Variants in CSMD1 observed in about 807,000 individuals in gnomAD.
CSMD1 encodes CUB and Sushi multiple domains 1, also known as CUB and sushi domain-containing protein 1.
In CSMD1, 213 loss-of-function variants were observed where a neutral mutation model predicts 417.5. The observed-to-expected ratio is 0.51, with a 90% CI of 0.46 to 0.57. CSMD1 has a LOEUF of 0.57. Ranked by LOEUF, CSMD1 falls within the 20% of genes least tolerant of loss-of-function variation. The probability of loss-of-function intolerance (pLI) is 0.00; values close to 1 mark genes in which losing one functional copy is unlikely to be tolerated. For missense variants in CSMD1, 6,923 were observed against 4,529.7 expected, an observed-to-expected ratio of 1.53 and a Z score of -15.17; for synonymous variants, 2,862 against 1,736.8, an observed-to-expected ratio of 1.65 and a Z score of -16.11.
intron 1 of CSMD1, among the ~76,000 whole-genome samples, chr8:4,648,594 T>G (rs1803684303): frequency 6.6e-6 from 1 of 152,266 alleles, no homozygotes; most frequent in Non-Finnish European, 1.5e-5. Context: ...GATTTTTTTT[T>G]GCACAGTGGC....
intron 1 of CSMD1, among the ~76,000 whole-genome samples, chr8:4,922,050 G>T (rs377258252): frequency 6.6e-6 from 1 of 152,088 alleles, no homozygotes; most frequent in Non-Finnish European, 1.5e-5. Context: ...TGGATAAACT[G>T]CCCTCTTCAC....
Position 3,530,878 on chromosome 8 carries a change from G to C in CSMD1, c.1345-37152C>G, listed in dbSNP as rs572279051. Among the ~76,000 whole-genome samples the C allele has an allele frequency of 5.6e-5, 8 of 143,710 alleles. No individual in the cohort carries two copies. In the East Asian group the frequency reaches 1.3e-3, roughly 23 times the overall value. 94.3% of individuals were successfully genotyped at this position (143,710 alleles called of 152,430 possible). On this transcript the variant is annotated intron_variant, in intron 10 of 69. Transcript: ENST00000635120. The stretch of plus-strand genomic sequence containing the variant: ...TCCTTTTTCCTATTTTTTTTTTTAA[G>C]ATGGAGTCTCATTCTGTCATCCAGA...
At chr8:3,907,838 T>C (rs574250078) in intron 5 of CSMD1, among the ~76,000 whole-genome samples, 1 of 152,342 alleles carries the variant, frequency 6.6e-6, no homozygotes, top group East Asian at 1.9e-4. Flanking sequence ...CTTCTCATCA[T>C]CAACTCTGTG....
In CSMD1 at chr8:3,295,938, C is replaced by A. The variant is rs540704603; in HGVS notation, c.3951-11592G>T. Among the ~76,000 whole-genome samples the A allele has an allele frequency of 2.0e-5, 3 of 152,186 alleles. No homozygotes were observed. In the South Asian group the frequency reaches 6.2e-4, roughly 32 times the overall value. ...AGTGCACCTCGAGGAACTTTGCATA[C>A]ATCTGCCAAGTTGAGTCCTGCCTTC... On this transcript the variant is annotated intron_variant, in intron 25 of 69. Transcript: ENST00000635120.
intron 8 of CSMD1, among the ~76,000 whole-genome samples, chr8:3,601,379 T>C (rs1247107198): frequency 1.3e-5 from 2 of 152,140 alleles, no homozygotes; most frequent in Non-Finnish European, 2.9e-5. Context: ...AACGATGAGG[T>C]TTCCATATAC....
chr8:3,504,637 C>G (rs531544436), intron 10 of CSMD1, among the ~76,000 whole-genome samples: 10 of 152,218 alleles, frequency 6.6e-5, no homozygotes, highest in Non-Finnish European at 1.5e-4. Context: ...CTCTCTGACT[C>G]TGCAATTTCT....
At chr8:4,737,404 C>G (rs115183236) in intron 1 of CSMD1, among the ~76,000 whole-genome samples, 4,143 of 152,084 alleles carry the variant, frequency 0.027, 214 homozygotes, top group African/African-American at 0.095. Flanking sequence ...GGTTTAATAT[C>G]TGGGTGATGA....
intron 1 of CSMD1, among the ~76,000 whole-genome samples, chr8:4,748,423 C>A (rs1015204499): frequency 2.0e-5 from 3 of 152,170 alleles, no homozygotes; most frequent in Non-Finnish European, 4.4e-5. Flanking sequence ...ATTTTATTTG[C>A]TGCTGCAGTA....
rs569678701 is a variant in CSMD1 at position 4,295,531 on chromosome 8, T to C, written c.415+124422A>G. 3.5e-5 allele frequency among the ~76,000 whole-genome samples: 5 copies of C among 144,372 alleles called. No individual in the cohort carries two copies. In the South Asian group the frequency reaches 1.1e-3, roughly 31 times the overall value. The allele number at this position is 144,372 out of a possible 152,430, so 94.7% of individuals were successfully genotyped here. On this transcript the variant is annotated intron_variant, in intron 3 of 69. Transcript: ENST00000635120. ...CACATATAATCTTATATATATTACATATATTATAAATATATAATCTTAAGA... is the reference window on the plus strand; with the variant it reads ...CACATATAATCTTATATATATTACACATATTATAAATATATAATCTTAAGA...
chr8:4,788,885 A>G (rs1046207337), intron 1 of CSMD1, among the ~76,000 whole-genome samples: 1 of 152,242 alleles, frequency 6.6e-6, no homozygotes, highest in Non-Finnish European at 1.5e-5. Flanking sequence ...GGGCAGGCAC[A>G]TGCCCAGTGT....
intron 1 of CSMD1, among the ~76,000 whole-genome samples, chr8:4,943,925 G>C (rs1020249285): frequency 2.0e-5 from 3 of 152,130 alleles, no homozygotes; most frequent in Admixed American, 2.0e-4. Flanking sequence ...GGGCCGAGCT[G>C]GATATTGATT....
At chr8:4,515,274 G>T (rs1803053322) in intron 2 of CSMD1, among the ~76,000 whole-genome samples, 1 of 152,158 alleles carries the variant, frequency 6.6e-6, no homozygotes, top group African/African-American at 2.4e-5. Flanking sequence ...AGAGACCACA[G>T]TCTCTGATCT....
At chr8:4,702,844 A>T (rs1183250510) in intron 1 of CSMD1, among the ~76,000 whole-genome samples, 1 of 152,200 alleles carries the variant, frequency 6.6e-6, no homozygotes, top group Non-Finnish European at 1.5e-5. Flanking sequence ...TTAGTTCTTT[A>T]ATGGATAACA....
At chr8:4,284,661 G>A (rs558749465) in intron 3 of CSMD1, among the ~76,000 whole-genome samples, 4 of 152,080 alleles carry the variant, frequency 2.6e-5, no homozygotes, top group Admixed American at 2.0e-4. Flanking sequence ...GACTCCTGGA[G>A]GATCCCCACA....
At chr8:4,225,372 C>T (rs891507214) in intron 3 of CSMD1, among the ~76,000 whole-genome samples, 1 of 151,940 alleles carries the variant, frequency 6.6e-6, no homozygotes, top group Non-Finnish European at 1.5e-5. Flanking sequence ...CAATATACAT[C>T]GTGTTTCTCA....
At chr8:3,297,519 T>G (rs751638911) in intron 25 of CSMD1, among the ~76,000 whole-genome samples, 3 of 152,220 alleles carry the variant, frequency 2.0e-5, no homozygotes, top group Non-Finnish European at 4.4e-5. Context: ...TGCATAGATC[T>G]AGTTGTCTCG....
At chr8:3,304,582 A>C (rs1584962899) in intron 25 of CSMD1, among the ~76,000 whole-genome samples, 1 of 152,152 alleles carries the variant, frequency 6.6e-6, no homozygotes, top group African/African-American at 2.4e-5. Flanking sequence ...TATTGGGAAG[A>C]AGTTTATGCT....
At chr8:3,616,384 C>G (rs767908191) in intron 8 of CSMD1, among the ~76,000 whole-genome samples, 6 of 152,108 alleles carry the variant, frequency 3.9e-5, no homozygotes, top group Non-Finnish European at 7.3e-5. Flanking sequence ...TGTTTGCTTC[C>G]CCTTCTGCCA....
At chr8:3,818,968 A>C (rs1406194628) in intron 5 of CSMD1, among the ~76,000 whole-genome samples, 3 of 152,192 alleles carry the variant, frequency 2.0e-5, no homozygotes, top group Non-Finnish European at 2.9e-5. Context: ...TAGTTGACAA[A>C]CTTCAAAAGA....
Sources: allele counts gnomAD v4.1 joint callset (sites outside exome capture counted in the v4.1 genomes callset), GRCh38; gene constraint gnomAD v4.1.1; transcripts MANE v1.5; gene names NCBI Gene and HGNC (gene_info 2026-07-23, HGNC 2026-07-21).